THADA: variants seen among roughly 807,000 people sequenced by gnomAD.
THADA encodes THADA armadillo repeat containing, also known as tRNA (32-2'-O)-methyltransferase regulator THADA.
In THADA, 213 loss-of-function variants were observed where a neutral mutation model predicts 219.8. That is an observed-to-expected ratio of 0.97 (90% CI 0.87 to 1.09). THADA has a LOEUF of 1.09. Among genes scored for constraint, THADA ranks in the 50% least tolerant of loss-of-function variants. The probability of loss-of-function intolerance (pLI) is 0.00; values close to 1 mark genes in which losing one functional copy is unlikely to be tolerated. For missense variants in THADA, 2,956 were observed against 2,311.3 expected (o/e 1.28, Z -5.72); for synonymous variants, 1,018 against 828.9 (o/e 1.23, Z -3.92).
intron 29 of THADA, among the ~76,000 whole-genome samples, chr2:43,353,119 T>C (rs186399914): frequency 1.3e-5 from 2 of 152,318 alleles, no homozygotes; most frequent in Admixed American, 1.3e-4. Flanking sequence ...ACATAATCTA[T>C]CTATCTCAGT....
At chr2:43,274,998 C>CTTTTT (rs1002469067) in intron 36 of THADA, among the ~76,000 whole-genome samples, 1 of 66,308 alleles carries the variant, frequency 1.5e-5, no homozygotes, top group Admixed American at 1.5e-4. Flanking sequence ...CTTTTCTTTT[C>CTTTTT]TTTTTTTTTT....
rs537578731 is a variant in THADA, at chr2:43,438,231, G to A, written c.3837-7929C>T. Among the ~76,000 whole-genome samples, 203 of 151,252 alleles carry A rather than the reference G, an allele frequency of 1.3e-3. 2 individuals are homozygous for A. Among genetic ancestry groups the A allele is most frequent in the Middle Eastern group, 0.01 (3 of 294 alleles). On this transcript the variant is annotated intron_variant, in intron 26 of 37. Transcript: ENST00000405975. Reference sequence around the variant, plus strand: ...GCAGGAGAATGGCGTGAACCCAGGAGGCGGAGCTTGCAGTGAGCCGAGATC... The same window carrying A: ...GCAGGAGAATGGCGTGAACCCAGGAAGCGGAGCTTGCAGTGAGCCGAGATC...
chr2:43,286,813 G>A lies in THADA; in HGVS notation c.5164+95C>T, dbSNP rs539761928. 9.2e-5 allele frequency: 129 copies of A among 1,409,726 alleles called. 1 individual carries two copies. The highest frequency in any genetic ancestry group is 2.3e-4 in the South Asian group (18 of 76,868). The allele number at this position is 1,409,726 out of a possible 1,614,324, so 87.3% of individuals were successfully genotyped here. ...TGAAAGACATAAAGGCAGGTGTCAT[G>A]TTGCCATCTTTCACCTTCCCTTTTT... On this transcript the variant is annotated intron_variant, in intron 35 of 37. Transcript: ENST00000405975.
intron 15 of THADA, chr2:43,564,007 C>CA (rs1286352641): frequency 6.6e-6 from 1 of 152,194 alleles, no homozygotes; most frequent in African/African-American, 2.4e-5. Flanking sequence ...TTTTAAAGTA[C>CA]ATTTAAATGT....
intron 36 of THADA, among the ~76,000 whole-genome samples, chr2:43,237,652 G>C (rs1161234215): frequency 6.6e-6 from 1 of 151,836 alleles, no homozygotes; most frequent in Non-Finnish European, 1.5e-5. Context: ...ACCCGCCTCG[G>C]CCTCCCAAAG....
At position 43,397,985 on chromosome 2, in the gene THADA, C is replaced by A; in HGVS notation, c.4213G>T (p.Gly1405Trp). ...ACTTTACTTACCTGGAGAAGTGTCC[C>A]ATGAATGTGGTTTTGCCGGAAACAC... is the stretch of plus-strand genomic sequence containing the variant. ...DQCFRQNHIHGTLLQVFHLLQ... is the reference protein window; with the variant it reads ...DQCFRQNHIHWTLLQVFHLLQ... The change falls in exon 29 of 38, where the codon GGG (glycine) becomes TGG (tryptophan). Residue 1405 changes from glycine (G) to tryptophan (W), a missense_variant. Transcript: ENST00000405975. The A allele has an allele frequency of 6.2e-7, 1 of 1,613,844 alleles. No individual in the cohort carries two copies. The highest frequency in any genetic ancestry group is 8.5e-7 in the Non-Finnish European group (1 of 1,179,790).
chr2:43,292,220 T>G lies in THADA; in HGVS notation c.4821A>C (p.Ile1607=). ...GGTCCATGCAGTGGAGAATTTTCAG[T>G]ATCTGTGTAAGCCAAATCCGCACAC... ...KENHPECFCK[I]LKILHCMDPG... Residue 1607 remains isoleucine, a splice_region_variant and synonymous_variant, in exon 33 of 38, where the codon ATA becomes ATC. Transcript: ENST00000405975. The G allele has an allele frequency of 5.0e-6, 8 of 1,598,044 alleles. No individual in the cohort carries two copies. The highest frequency in any genetic ancestry group is 6.8e-6 in the Non-Finnish European group (8 of 1,172,378).
At chr2:43,508,887 G>A (rs987199519) in intron 22 of THADA, 107 bp from the exon 23 acceptor site, 4 of 1,100,048 alleles carry the variant, frequency 3.6e-6, no homozygotes, top group Non-Finnish European at 5.1e-6. Context: ...TCCTTATATT[G>A]AGTGGGGGTG....
chr2:43,320,072 C>G (rs1678518430), intron 31 of THADA, among the ~76,000 whole-genome samples: 1 of 152,124 alleles, frequency 6.6e-6, no homozygotes, highest in Non-Finnish European at 1.5e-5. Context: ...TACCCAGCAT[C>G]AAATGAGCCC....
intron 29 of THADA, among the ~76,000 whole-genome samples, chr2:43,365,702 A>G (rs1220944648): frequency 6.6e-6 from 1 of 152,094 alleles, no homozygotes; most frequent in Admixed American, 6.5e-5. Context: ...AGGGTACAGA[A>G]GTAGATGATA....
Position 43,573,690 on chromosome 2 carries a change from T to C in THADA, c.1729+646A>G, listed in dbSNP as rs148672369. ...TTTTTAACAATTTTAGTTGAAAATATTTCTTAAAATTATGCTGTACGATAC... is the reference window on the plus strand; with the variant it reads ...TTTTTAACAATTTTAGTTGAAAATACTTCTTAAAATTATGCTGTACGATAC... On this transcript the variant is annotated intron_variant, in intron 11 of 37. Coordinates refer to ENST00000405975, the MANE Select transcript of THADA (RefSeq NM_022065.5). Among the ~76,000 whole-genome samples, 444 of 152,340 alleles carry C rather than the reference T, an allele frequency of 2.9e-3. 2 individuals carry two copies. The highest frequency in any genetic ancestry group is 9.8e-3 in the African/African-American group (408 of 41,564).
intron 1 of THADA, among the ~76,000 whole-genome samples, chr2:43,595,423 C>A (rs938831854): frequency 3.9e-5 from 6 of 152,176 alleles, no homozygotes; most frequent in Non-Finnish European, 8.8e-5. Context: ...ACTGGGAAAC[C>A]TAACTAGGGA....
chr2:43,260,950 G>GA lies in THADA; in HGVS notation c.5296+18814dup, dbSNP rs373748238. ...GTTGGCTTGACCTTTTACATTCTGAGAAAGGAAAAGTATCCTACTATGGCT... is the reference window on the plus strand; with the variant it reads ...GTTGGCTTGACCTTTTACATTCTGAGAAAAGGAAAAGTATCCTACTATGGCT... On this transcript the variant is annotated intron_variant, in intron 36 of 37. Coordinates refer to ENST00000405975, the MANE Select transcript of THADA (RefSeq NM_022065.5). Among the ~76,000 whole-genome samples the GA allele has an allele frequency of 3.2e-3, 488 of 152,154 alleles. 3 individuals are homozygous for GA. Among genetic ancestry groups the GA allele is most frequent in the African/African-American group, 0.012 (481 of 41,494 alleles).
chr2:43,299,663 AAAC>A (rs755048830), intron 31 of THADA, among the ~76,000 whole-genome samples: 10 of 152,092 alleles, frequency 6.6e-5, no homozygotes, highest in Non-Finnish European at 1.0e-4. Flanking sequence ...TCTGTCTCAA[AAAC>A]AACAACACCA....
rs1572710264 is a variant in THADA at position 43,235,655 on chromosome 2, A to T, written c.5297-2773T>A. ...TGAAAGCCCAACAGGGAAGAAAAAA[A>T]TTTCATCATCCATCAGCAAAATCAG... On this transcript the variant is annotated intron_variant, in intron 36 of 37. Coordinates refer to ENST00000405975, the MANE Select transcript of THADA (RefSeq NM_022065.5). Among the ~76,000 whole-genome samples the T allele has an allele frequency of 2.6e-5, 4 of 152,136 alleles. 1 individual carries two copies. In the South Asian group the frequency reaches 8.3e-4, roughly 32 times the overall value.
At chr2:43,543,172 A>G (rs1322570625) in intron 20 of THADA, among the ~76,000 whole-genome samples, 1 of 148,320 alleles carries the variant, frequency 6.7e-6, no homozygotes, top group Admixed American at 6.7e-5. Context: ...ATGATTTCCA[A>G]TTTCATCCAT....
At chr2:43,355,612 T>C (rs60883288) in intron 29 of THADA, among the ~76,000 whole-genome samples, 10,791 of 152,194 alleles carry the variant, frequency 0.071, 1,302 homozygotes, top group African/African-American at 0.24. Context: ...GTTTTCTTCT[T>C]AGAGTTTTGT....
intron 26 of THADA, among the ~76,000 whole-genome samples, chr2:43,432,297 G>GT (rs1159479329): frequency 6.6e-6 from 1 of 151,970 alleles, no homozygotes; most frequent in African/African-American, 2.4e-5. Flanking sequence ...GCAATAATAC[G>GT]TTTTTTTGGC....
At chr2:43,443,506 C>G (rs1449568941) in intron 26 of THADA, among the ~76,000 whole-genome samples, 1 of 152,132 alleles carries the variant, frequency 6.6e-6, no homozygotes, top group African/African-American at 2.4e-5. Flanking sequence ...GCAGATATAG[C>G]GAGCCCTGGG....
Sources: gnomAD v4.1 joint callset for allele counts (sites outside exome capture counted in the v4.1 genomes callset) on GRCh38, gnomAD v4.1.1 for gene constraint, MANE v1.5 for transcripts, NCBI Gene and HGNC (gene_info 2026-07-23, HGNC 2026-07-21) for gene names.